The following WT1 variants were observed in gnomAD, a reference collection of about 807,000 sequenced individuals.
WT1 encodes the protein WT1 transcription factor.
A neutral mutation model predicts 60.8 loss-of-function variants in WT1; 8 were observed. The observed-to-expected ratio is 0.13, with a 90% CI of 0.08 to 0.24. The LOEUF (loss-of-function observed/expected upper bound fraction) is 0.24. Among genes scored for constraint, WT1 ranks in the 10% least tolerant of loss-of-function variants. The pLI, the probability that WT1 is intolerant of heterozygous loss-of-function variation, is 1.00. For missense variants in WT1, 568 were observed against 711.8 expected, an observed-to-expected ratio of 0.80 and a Z score of 2.30; for synonymous variants, 312 against 297.1, an observed-to-expected ratio of 1.05 and a Z score of -0.52.
At chr11:32,395,477 CTT>C (rs757435741) in intron 7 of WT1, among the ~76,000 whole-genome samples, 10 of 143,754 alleles carry the variant, frequency 7.0e-5, no homozygotes, top group Admixed American at 7.0e-5. Context: ...TCTCTCTCTC[CTT>C]TTTTTTTTTT....
Position 32,435,366 on chromosome 11 carries a change from C to T in WT1, c.-6G>A, listed in dbSNP as rs1470338786. 3.1e-6 allele frequency: 4 copies of T among 1,307,120 alleles called. No individual in the cohort carries two copies. Among genetic ancestry groups the T allele is most frequent in the Admixed American group, 4.8e-5 (2 of 41,278 alleles). 81.0% of individuals were successfully genotyped at this position (1,307,120 alleles called of 1,614,324 possible). ...TGCAGCAAGAGGAAGTCCAGGATCGCGGCGAGGAGACGGCGGGGCCCGGGC... is the reference window on the plus strand; with the variant it reads ...TGCAGCAAGAGGAAGTCCAGGATCGTGGCGAGGAGACGGCGGGGCCCGGGC... On this transcript the variant is annotated 5_prime_UTR_variant, in exon 1 of 10. Coordinates refer to ENST00000452863, the MANE Select transcript of WT1 (RefSeq NM_024426.6).
chr11:32,408,412 G>C (rs1852388510), intron 5 of WT1, among the ~76,000 whole-genome samples: 1 of 150,766 alleles, frequency 6.6e-6, no homozygotes, highest in African/African-American at 2.4e-5. Flanking sequence ...CTACTTGGGA[G>C]GCTGAAGCAG....
intron 5 of WT1, among the ~76,000 whole-genome samples, chr11:32,413,834 C>G (rs773196336): frequency 3.3e-5 from 5 of 152,172 alleles, no homozygotes; most frequent in Non-Finnish European, 5.9e-5. Context: ...TTAAGAAGCT[C>G]TAATCTAGGG....
At chr11:32,422,683 A>T (rs1031631855) in intron 3 of WT1, among the ~76,000 whole-genome samples, 7 of 152,328 alleles carry the variant, frequency 4.6e-5, no homozygotes, top group East Asian at 1.9e-4. Context: ...ATGAAAAATA[A>T]TCTACTTGTA....
intron 5 of WT1, among the ~76,000 whole-genome samples, chr11:32,406,837 G>A (rs1852327000): frequency 6.6e-6 from 1 of 152,106 alleles, no homozygotes; most frequent in South Asian, 2.1e-4. Flanking sequence ...AGTGGCTCAT[G>A]CTGGTAATCC....
At chr11:32,399,925 C>T in intron 6 of WT1, 23 bp downstream of exon 6, 4 of 1,612,808 alleles carry the variant, frequency 2.5e-6, no homozygotes, top group African/African-American at 1.3e-5. Context: ...CCCCTTCCCG[C>T]TGGGGCCTGT....
chr11:32,431,811 A>G (rs547957766), intron 1 of WT1, among the ~76,000 whole-genome samples: 2 of 151,836 alleles, frequency 1.3e-5, no homozygotes, highest in Non-Finnish European at 2.9e-5. Flanking sequence ...GTCAACCCCC[A>G]CACATGGACT....
intron 9 of WT1, among the ~76,000 whole-genome samples, chr11:32,391,055 T>G (rs1403568986): frequency 6.6e-6 from 1 of 152,186 alleles, no homozygotes; most frequent in Admixed American, 6.5e-5. Context: ...CACAGCTCAC[T>G]GCAGCCTCAG....
chr11:32,430,017 TG>T (rs1853224004), intron 1 of WT1, among the ~76,000 whole-genome samples: 1 of 147,616 alleles, frequency 6.8e-6, no homozygotes, highest in Non-Finnish European at 1.5e-5. Context: ...AAAGCTTCTC[TG>T]GGGCAACAGA....
chr11:32,397,233 C>T (rs1032719194), intron 6 of WT1, among the ~76,000 whole-genome samples: 8 of 152,202 alleles, frequency 5.3e-5, no homozygotes, highest in African/African-American at 1.4e-4. Context: ...GCCTGAGTGG[C>T]CACTAAATTC....
chr11:32,420,055 T>C (rs1334561990), intron 3 of WT1, among the ~76,000 whole-genome samples: 2 of 152,254 alleles, frequency 1.3e-5, no homozygotes, highest in Non-Finnish European at 1.5e-5. Context: ...ACAAGGTCTA[T>C]GTCTTACGTA....
At chr11:32,420,321 T>C (rs544588001) in intron 3 of WT1, among the ~76,000 whole-genome samples, 1 of 152,348 alleles carries the variant, frequency 6.6e-6, no homozygotes, top group South Asian at 2.1e-4. Flanking sequence ...TCAGTTCAGC[T>C]CCCTGCCCCT....
At chr11:32,430,404 A>G (rs11031778) in intron 1 of WT1, 1 of 1,319,174 alleles carries the variant, frequency 7.6e-7, no homozygotes, top group Non-Finnish European at 1.0e-6. Flanking sequence ...GGACACTAAA[A>G]AGAGAGAGAG....
At chr11:32,412,302 C>G (rs1852525635) in intron 5 of WT1, among the ~76,000 whole-genome samples, 3 of 152,124 alleles carry the variant, frequency 2.0e-5, no homozygotes, top group South Asian at 4.1e-4. Context: ...TTTTTCCTCT[C>G]AAGCATCCAC....
chr11:32,428,120 C>G, intron 2 of WT1, 62 bp from the exon 3 acceptor site: 1 of 1,436,530 alleles, frequency 7.0e-7, no homozygotes, highest in East Asian at 2.4e-5. Context: ...TGCGAGGCTG[C>G]GGGCAGGGGT....
chr11:32,389,734 TG>T (rs1210323506), intron 9 of WT1, among the ~76,000 whole-genome samples: 1 of 151,910 alleles, frequency 6.6e-6, no homozygotes, highest in Non-Finnish European at 1.5e-5. Context: ...TGTTATGTGT[TG>T]TTTTTTTTTT....
At chr11:32,430,147 T>G (rs953342106) in intron 1 of WT1, among the ~76,000 whole-genome samples, 1 of 151,866 alleles carries the variant, frequency 6.6e-6, no homozygotes, top group Non-Finnish European at 1.5e-5. Context: ...CACCACACAC[T>G]GGGGATTTGA....
chr11:32,421,126 A>G (rs1590381301), intron 3 of WT1, among the ~76,000 whole-genome samples: 1 of 152,114 alleles, frequency 6.6e-6, no homozygotes, highest in South Asian at 2.1e-4. Context: ...TGGGGAGGGG[A>G]CAAAAATGTG....
chr11:32,406,276 C>G (rs1236217089), intron 5 of WT1, among the ~76,000 whole-genome samples: 1 of 152,008 alleles, frequency 6.6e-6, no homozygotes, highest in Non-Finnish European at 1.5e-5. Context: ...CACCTCAGAT[C>G]GTCAGGCATT....
Sources: gnomAD v4.1 joint callset for allele counts (sites outside exome capture counted in the v4.1 genomes callset) on GRCh38, gnomAD v4.1.1 for gene constraint, MANE v1.5 for transcripts, NCBI Gene and HGNC (gene_info 2026-07-23, HGNC 2026-07-21) for gene names.